FAM120B: variants seen among roughly 807,000 people sequenced by gnomAD.
FAM120B encodes family with sequence similarity 120 member B.
Under a neutral mutation model 96.3 loss-of-function variants are expected in FAM120B, and 83 were observed. The ratio of observed to expected loss-of-function variants is 0.86; its 90% CI spans 0.72 to 1.03. FAM120B has a LOEUF of 1.03. Among genes scored for constraint, FAM120B ranks in the 50% least tolerant of loss-of-function variants. The probability of loss-of-function intolerance (pLI) is 0.00; values close to 1 mark genes in which losing one functional copy is unlikely to be tolerated. For missense variants in FAM120B, 1,027 were observed against 1,121.2 expected (o/e 0.92, Z 1.20); for synonymous variants, 407 against 402.7 (o/e 1.01, Z -0.13).
chr6:170,291,033 G>C (rs1783855020), upstream of FAM120B: 3 of 701,862 alleles, frequency 4.3e-6, no homozygotes, highest in Non-Finnish European at 7.8e-6. Flanking sequence ...TCACAAAGGA[G>C]CCACTTTTCC....
At chr6:170,385,510 A>T (rs1790135080) in intron 6 of FAM120B, among the ~76,000 whole-genome samples, 1 of 152,210 alleles carries the variant, frequency 6.6e-6, no homozygotes. Flanking sequence ...GAATAGAGAA[A>T]GGTTTTTTTT....
chr6:170,378,570 GC>G (rs1789718270), intron 6 of FAM120B, among the ~76,000 whole-genome samples: 1 of 152,228 alleles, frequency 6.6e-6, no homozygotes. Context: ...AGTGAGAGAC[GC>G]CAACCCTTGT....
intron 4 of FAM120B, among the ~76,000 whole-genome samples, chr6:170,345,874 A>G (rs1787145891): frequency 6.6e-6 from 1 of 152,238 alleles, no homozygotes; most frequent in Non-Finnish European, 1.5e-5. Flanking sequence ...CACAGTGATC[A>G]GTTCTGAGAA....
intron 6 of FAM120B, among the ~76,000 whole-genome samples, chr6:170,359,584 A>ATG (rs1321712527): frequency 6.6e-6 from 1 of 151,818 alleles, no homozygotes; most frequent in Non-Finnish European, 1.5e-5. Context: ...GCTAATTTAT[A>ATG]TGTGTGTGTG....
upstream of FAM120B, chr6:170,290,803 C>G: frequency 1.7e-6 from 1 of 592,832 alleles, no homozygotes; most frequent in Non-Finnish European, 3.0e-6. This position sits in a 1 kb window ranked among gnomAD's most constrained non-coding sequence, Gnocchi z 4.7. Context: ...CCAATGCCAT[C>G]CAGTACACAC....
In FAM120B at chr6:170,317,732, G is replaced by T. The variant is rs763179480; in HGVS notation, c.342G>T (p.Arg114Ser). ...RRLKNNREISRIFHYIKSHKE... is the reference protein window; with the variant it reads ...RRLKNNREISSIFHYIKSHKE... ...TCAAGAACAACAGGGAGATATCCAG[G>T]ATTTTTCATTACATCAAGTCACACA... Residue 114 changes from arginine to serine, a missense_variant, in exon 2 of 11, where the codon AGG becomes AGT. Physicochemically the swap from Arg to Ser is moderately radical, Grantham distance 110 (BLOSUM62 -1). Around this residue, in one of 3 missense-constraint regions of FAM120B, gnomAD observed 880 missense variants for 980.9 expected, o/e 0.90. Coordinates refer to ENST00000476287, the MANE Select transcript of FAM120B (RefSeq NM_032448.3). The T allele has an allele frequency of 2.1e-5, 34 of 1,614,044 alleles. No homozygotes were observed. Among genetic ancestry groups the T allele is most frequent in the African/African-American group, 2.7e-5 (2 of 74,920 alleles).
chr6:170,324,325 A>G (rs1383119777), intron 3 of FAM120B, among the ~76,000 whole-genome samples: 2 of 152,198 alleles, frequency 1.3e-5, no homozygotes, highest in Non-Finnish European at 2.9e-5. Flanking sequence ...ACATACTGCA[A>G]GAGTTCACCT....
chr6:170,367,089 A>G (rs1282813033), intron 6 of FAM120B, among the ~76,000 whole-genome samples: 1 of 152,162 alleles, frequency 6.6e-6, no homozygotes, highest in Admixed American at 6.5e-5. Flanking sequence ...GATTTAAACA[A>G]ATTTTTCTTT....
chr6:170,378,032 A>G (rs2115275282), intron 6 of FAM120B, among the ~76,000 whole-genome samples: 1 of 152,354 alleles, frequency 6.6e-6, no homozygotes, highest in South Asian at 2.1e-4. Flanking sequence ...AGCCCTTTCA[A>G]GCTATGACCT....
At chr6:170,321,665 G>T (rs921756910) in intron 2 of FAM120B, among the ~76,000 whole-genome samples, 1 of 152,142 alleles carries the variant, frequency 6.6e-6, no homozygotes. Flanking sequence ...ATGAGCCACC[G>T]TTCCTGGCCG....
chr6:170,380,308 G>A (rs924352546), intron 6 of FAM120B, among the ~76,000 whole-genome samples: 3 of 152,142 alleles, frequency 2.0e-5, no homozygotes, highest in Admixed American at 6.5e-5. Context: ...AGTGCTGCAG[G>A]AAACATGGGT....
chr6:170,378,243 T>C (rs1789692162), intron 6 of FAM120B, among the ~76,000 whole-genome samples: 1 of 152,222 alleles, frequency 6.6e-6, no homozygotes, highest in Non-Finnish European at 1.5e-5. Context: ...ATACCCAGAA[T>C]AGCTGTAGCA....
Position 170,388,390 on chromosome 6 carries a change from C to G in FAM120B, c.2387C>G (p.Thr796Arg). 2.5e-6 allele frequency: 4 copies of G among 1,614,024 alleles called. No homozygotes were observed. The highest frequency in any genetic ancestry group is 3.4e-6 in the Non-Finnish European group (4 of 1,180,004). Residue 796 changes from threonine to arginine, a missense_variant, in exon 7 of 11, where the codon ACG (threonine) becomes AGG (arginine). Thr to Arg is a moderately conservative substitution (Grantham distance 71, BLOSUM62 -1). This residue lies in a region of FAM120B where 880 missense variants were observed against 980.9 expected (regional missense o/e 0.90). Coordinates refer to ENST00000476287, the MANE Select transcript of FAM120B (RefSeq NM_032448.3). ...VNSACGFPWK[T>R]SDFMPWNVFD... ...AGCGCATGTGGCTTCCCCTGGAAGACGAGTGATTTCATGCCCTGGAATGTA... is the reference window on the plus strand; with the variant it reads ...AGCGCATGTGGCTTCCCCTGGAAGAGGAGTGATTTCATGCCCTGGAATGTA...
rs1778766768 is a variant in FAM120B at position 170,405,264 on chromosome 6, A to G, written c.*513A>G. 6.6e-6 allele frequency: 1 copy of G among 152,286 alleles called. No homozygotes were observed. The highest frequency in any genetic ancestry group is 2.1e-4 in the South Asian group (1 of 4,832). 9.4% of individuals were successfully genotyped at this position (152,286 alleles called of 1,614,324 possible). On this transcript the variant is annotated 3_prime_UTR_variant, in exon 11 of 11. Transcript: ENST00000476287. The stretch of plus-strand genomic sequence containing the variant: ...TACCTTGGCTTTTTCCTCTACGTAC[A>G]TACCATGATAAAGCTTAACAAAGAA...
chr6:170,300,170 C>T (rs1434590669), intron 1 of FAM120B, among the ~76,000 whole-genome samples: 1 of 152,152 alleles, frequency 6.6e-6, no homozygotes, highest in Non-Finnish European at 1.5e-5. Flanking sequence ...TTAATTGACT[C>T]ACAGGTCAGC....
chr6:170,343,167 G>T (rs1405342173), intron 4 of FAM120B, among the ~76,000 whole-genome samples: 3 of 152,204 alleles, frequency 2.0e-5, no homozygotes, highest in Non-Finnish European at 4.4e-5. Flanking sequence ...ACCCTCCCCT[G>T]GATAAGATGA....
intron 3 of FAM120B, among the ~76,000 whole-genome samples, chr6:170,324,173 C>A (rs1389731121): frequency 6.6e-6 from 1 of 152,144 alleles, no homozygotes; most frequent in African/African-American, 2.4e-5. Context: ...TTTACATAAT[C>A]TAAAAGTGGT....
upstream of FAM120B, chr6:170,291,059 T>C (rs1783855461): frequency 4.3e-6 from 3 of 701,278 alleles, no homozygotes; most frequent in Admixed American, 6.0e-5. Flanking sequence ...CTCCTCTCAA[T>C]GGATCGCCAA....
intron 8 of FAM120B, among the ~76,000 whole-genome samples, chr6:170,391,926 G>A (rs937289369): frequency 2.0e-5 from 3 of 152,136 alleles, no homozygotes; most frequent in Non-Finnish European, 4.4e-5. Flanking sequence ...AACTTAGGGC[G>A]TTAACACCGT....
Sources: gnomAD v4.1 joint callset for allele counts (sites outside exome capture counted in the v4.1 genomes callset) on GRCh38, gnomAD v4.1.1 for gene constraint, gnomAD v4.1.1 regional missense constraint, Gnocchi (gnomAD v3.1) non-coding constraint, MANE v1.5 for transcripts, NCBI Gene and HGNC (gene_info 2026-07-23, HGNC 2026-07-21) for gene names.